CBR4: variants seen among roughly 807,000 people sequenced by gnomAD.
CBR4 encodes the protein 3-oxoacyl-[acyl-carrier-protein] reductase.
CBR4 carries 22 observed loss-of-function variants against 21.0 expected under a neutral mutation model. The ratio of observed to expected loss-of-function variants is 1.05; its 90% CI spans 0.75 to 1.50. The LOEUF is 1.50. CBR4 is among the 40% of genes most tolerant of loss of function. The pLI is 0.00. For missense variants in CBR4, 302 were observed against 286.3 expected, an observed-to-expected ratio of 1.05 and a Z score of -0.40; for synonymous variants, 100 against 104.4, an observed-to-expected ratio of 0.96 and a Z score of 0.26.
At chr4:168,910,642 T>C (rs1374877552) in intron 2 of CBR4, among the ~76,000 whole-genome samples, 3 of 152,168 alleles carry the variant, frequency 2.0e-5, no homozygotes, top group African/African-American at 7.2e-5. Flanking sequence ...ATTAATGCCT[T>C]TAATCTTCAT....
intron 2 of CBR4, chr4:168,898,182 T>C: frequency 2.4e-6 from 1 of 410,064 alleles, no homozygotes; most frequent in South Asian, 2.2e-5. Flanking sequence ...TAGGAATACA[T>C]AGCTTTGCTT....
rs1213615924 is a variant in CBR4 at position 168,924,305 on chromosome 4, G to A, written n.170-29540C>T. The stretch of plus-strand genomic sequence containing the variant: ...GTTTATTGAGAAGCTCCAAAACACA[G>A]GAGTTGCTGATGGGTACCCAGTGCG... On this transcript the variant is annotated intron_variant and non_coding_transcript_variant, in intron 2 of 3. Coordinates refer to the CBR4 transcript ENST00000509108. The A allele has an allele frequency of 1.9e-6, 3 of 1,613,994 alleles. No homozygotes were observed. Among genetic ancestry groups the A allele is most frequent in the South Asian group, 1.1e-5 (1 of 91,082 alleles).
chr4:168,972,813 T>C (rs183090321), intron 2 of CBR4, among the ~76,000 whole-genome samples: 1 of 152,350 alleles, frequency 6.6e-6, no homozygotes, highest in East Asian at 1.9e-4. Context: ...TAGTACTGTG[T>C]TGAATAGAAG....
intron 4 of CBR4, among the ~76,000 whole-genome samples, chr4:169,000,066 T>G (rs1020172341): frequency 6.6e-6 from 1 of 152,194 alleles, no homozygotes. Context: ...TTTTGTATTA[T>G]CATGAACTAA....
rs2126616657 is a variant in CBR4 at position 168,926,199 on chromosome 4, C to G, written n.170-31434G>C. On this transcript the variant is annotated intron_variant and non_coding_transcript_variant, in intron 2 of 3. Transcript: ENST00000509108. ...TCTTGATTAAAAATCTTAATTTACT[C>G]TTTTTCTTTGTAGCCCAGTGGCATC... The G allele has an allele frequency of 6.6e-7, 1 of 1,504,494 alleles. No homozygotes were observed. Among genetic ancestry groups the G allele is most frequent in the Non-Finnish European group, 8.8e-7 (1 of 1,131,048 alleles). 93.2% of individuals were successfully genotyped at this position (1,504,494 alleles called of 1,614,324 possible).
chr4:169,008,944 A>G (rs1375396730), intron 1 of CBR4: 1 of 454,558 alleles, frequency 2.2e-6, no homozygotes, highest in Non-Finnish European at 4.4e-6. Context: ...AAAAATGAAC[A>G]GCCACACCTG....
chr4:168,916,097 C>A (rs1760025458), intron 2 of CBR4: 1 of 1,417,090 alleles, frequency 7.1e-7, no homozygotes. Context: ...CTCTATAGTT[C>A]CTTTTGGGGA....
Position 168,926,982 on chromosome 4 carries a change from T to TAATA in CBR4, n.170-32221_170-32218dup, listed in dbSNP as rs1762652568. ...TATCAAAAGAGTTTTCTAACAAGGT[T>TAATA]AATACCTTAGTTCTTAACATTTTTT... On this transcript the variant is annotated intron_variant and non_coding_transcript_variant, in intron 2 of 3. Transcript: ENST00000509108. 1.8e-5 allele frequency: 4 copies of TAATA among 219,952 alleles called. No individual in the cohort carries two copies. The East Asian group carries it at 2.0e-4, about 11-fold the overall frequency. The allele number at this position is 219,952 out of a possible 1,614,324, so 13.6% of individuals were successfully genotyped here.
At chr4:168,946,021 G>A (rs1376052261) in intron 2 of CBR4, among the ~76,000 whole-genome samples, 1 of 152,174 alleles carries the variant, frequency 6.6e-6, no homozygotes, top group Non-Finnish European at 1.5e-5. Context: ...ACTTCTGCAA[G>A]TCAACAGAAG....
chr4:169,000,769 A>G (rs1205640638), intron 4 of CBR4, among the ~76,000 whole-genome samples: 2 of 152,160 alleles, frequency 1.3e-5, no homozygotes, highest in Non-Finnish European at 2.9e-5. Context: ...TAGTGATCAT[A>G]TATTTTTGAG....
chr4:168,926,407 G>GAAAC (rs1762586270), intron 2 of CBR4: 4 of 1,509,426 alleles, frequency 2.7e-6, no homozygotes, highest in African/African-American at 2.8e-5. Flanking sequence ...TGTTAAAGCT[G>GAAAC]AAACACTGAA....
At chr4:168,972,009 T>C (rs1277438345) in intron 2 of CBR4, among the ~76,000 whole-genome samples, 1 of 152,226 alleles carries the variant, frequency 6.6e-6, no homozygotes, top group Non-Finnish European at 1.5e-5. Flanking sequence ...CACATGTGGC[T>C]TGCCAATTAT....
chr4:168,999,650 A>G (rs1730246032), intron 4 of CBR4, among the ~76,000 whole-genome samples: 1 of 151,626 alleles, frequency 6.6e-6, no homozygotes, highest in Non-Finnish European at 1.5e-5. Context: ...AAAAAAAAAA[A>G]AAAACTGCAC....
intron 2 of CBR4, among the ~76,000 whole-genome samples, chr4:168,934,466 C>T (rs1763056188): frequency 6.6e-6 from 1 of 151,412 alleles, no homozygotes; most frequent in African/African-American, 2.4e-5. Flanking sequence ...AGAGAGAAGA[C>T]CCAAATAAAC....
At chr4:168,992,390 G>T (rs1458369355) in intron 4 of CBR4, among the ~76,000 whole-genome samples, 1 of 152,106 alleles carries the variant, frequency 6.6e-6, no homozygotes, top group East Asian at 1.9e-4. Flanking sequence ...TTACCTAATA[G>T]GTACAATGGG....
At position 169,002,219 on chromosome 4, in the gene CBR4, A is replaced by C; in HGVS notation, c.401-14T>G. Reference sequence around the variant, plus strand: ...CAACAATGCTTCCTAGGACAAAAAAAAAAAAAAAAAAAAAAAAAGCGTATT... The same window carrying C: ...CAACAATGCTTCCTAGGACAAAAAACAAAAAAAAAAAAAAAAAAGCGTATT... On this transcript the variant is annotated splice_polypyrimidine_tract_variant and intron_variant, in intron 3 of 4. Transcript: ENST00000306193. 2.3e-6 allele frequency: 2 copies of C among 875,266 alleles called. No homozygotes were observed. The highest frequency in any genetic ancestry group is 2.7e-5 in the South Asian group (1 of 36,642). The allele number at this position is 875,266 out of a possible 1,614,324, so 54.2% of individuals were successfully genotyped here.
At chr4:168,980,572 C>A (rs950765019) in intron 2 of CBR4, among the ~76,000 whole-genome samples, 1 of 151,748 alleles carries the variant, frequency 6.6e-6, no homozygotes, top group Non-Finnish European at 1.5e-5. Context: ...CCTGTCTCTA[C>A]TAAAAATGCA....
chr4:168,905,067 C>T (rs1401530278), intron 2 of CBR4, among the ~76,000 whole-genome samples: 2 of 150,282 alleles, frequency 1.3e-5, no homozygotes, highest in East Asian at 3.9e-4. Context: ...GCGGAGGTTT[C>T]AGTGAGCCAA....
At chr4:168,916,066 C>T in intron 2 of CBR4, 1 of 1,588,968 alleles carries the variant, frequency 6.3e-7, no homozygotes, top group Middle Eastern at 1.7e-4. Context: ...TATTGCCCCA[C>T]TTCTCCCTCA....
Sources: allele counts gnomAD v4.1 joint callset (sites outside exome capture counted in the v4.1 genomes callset), GRCh38; gene constraint gnomAD v4.1.1; transcripts MANE v1.5; gene names NCBI Gene and HGNC (gene_info 2026-07-23, HGNC 2026-07-21).